Variants in OR6K3 observed in about 807,000 individuals in gnomAD.
OR6K3 encodes the protein olfactory receptor family 6 subfamily K member 3.
For missense variants in OR6K3, 396 were observed against 382.5 expected (o/e 1.04, Z -0.29); for synonymous variants, 169 against 137.7 (o/e 1.23, Z -1.59).
At chr1:158,722,688 C>T (rs1656309406), upstream of OR6K3, among the ~76,000 whole-genome samples, 2 of 152,022 alleles carry the variant, frequency 1.3e-5, no homozygotes, top group South Asian at 4.1e-4. Context: ...GTACTCATAC[C>T]TGAGGAAGTG....
At chr1:158,719,816 G>A (rs1656248989) in intron 1 of OR6K3, among the ~76,000 whole-genome samples, 1 of 151,984 alleles carries the variant, frequency 6.6e-6, no homozygotes, top group South Asian at 2.1e-4. Flanking sequence ...CAATAGAATT[G>A]TACAGTATAG....
Position 158,717,701 on chromosome 1 carries a change from G to T in OR6K3, c.415C>A (p.Arg139=), listed in dbSNP as rs550637792. The change falls in exon 2 of 2, where the codon CGG becomes AGG. Residue 139 remains arginine (R), a synonymous_variant. Transcript: ENST00000368145. ...CCTGCAGAGAGTTGAGCACAGAGCC[G>T]GGGGGTCATGATCATTTGATAGCGA... ...PLRYQMIMTP[R]LCAQLSAGSC... is the part of the protein sequence containing the mutation. 6.2e-7 allele frequency: 1 copy of T among 1,613,728 alleles called. No homozygotes were observed. Among genetic ancestry groups the T allele is most frequent in the East Asian group, 2.2e-5 (1 of 44,836 alleles).
Position 158,716,327 on chromosome 1 carries a change from G to A in OR6K3, c.*841C>T, listed in dbSNP as rs1656143246. On this transcript the variant is annotated 3_prime_UTR_variant, in exon 2 of 2. Transcript: ENST00000368145. ...TGTAGTTTTCTTTTAAACATGTGTG[G>A]CAGTACTAATAATCTAATCTTACTA... 6.6e-6 allele frequency: 1 copy of A among 151,918 alleles called. No homozygotes were observed. The highest frequency in any genetic ancestry group is 1.5e-5 in the Non-Finnish European group (1 of 67,968). 9.4% of individuals were successfully genotyped at this position (151,918 alleles called of 1,614,324 possible). A position where few individuals can be genotyped will look rare whatever the true frequency, so the allele number is the denominator to read the frequency against.
chr1:158,724,532 T>A (rs887036617), upstream of OR6K3: 14 of 258,918 alleles, frequency 5.4e-5, no homozygotes, highest in African/African-American at 3.2e-4. Flanking sequence ...TCACAGAAGA[T>A]CTGGTGGATT....
rs1171795314 is a variant in OR6K3 at position 158,716,343 on chromosome 1, A to T, written c.*825T>A. The T allele has an allele frequency of 1.3e-5, 2 of 152,104 alleles. No individual in the cohort carries two copies. Among genetic ancestry groups the T allele is most frequent in the Non-Finnish European group, 2.9e-5 (2 of 67,986 alleles). 9.4% of individuals were successfully genotyped at this position (152,104 alleles called of 1,614,324 possible). ...ACATGTGTGGCAGTACTAATAATCT[A>T]ATCTTACTAAACATGTAATTATTCT... On this transcript the variant is annotated 3_prime_UTR_variant, in exon 2 of 2. Transcript: ENST00000368145.
upstream of OR6K3, among the ~76,000 whole-genome samples, chr1:158,722,044 C>T (rs1394074876): frequency 6.6e-6 from 1 of 151,780 alleles, no homozygotes; most frequent in African/African-American, 2.4e-5. Context: ...TTTCAATTCC[C>T]TAACCTCTCT....
Position 158,717,478 on chromosome 1 carries a change from A to T in OR6K3, c.638T>A (p.Ile213Asn). 1 of 1,613,806 alleles carries T rather than the reference A, an allele frequency of 6.2e-7. No homozygotes were observed. Among genetic ancestry groups the T allele is most frequent in the Non-Finnish European group, 8.5e-7 (1 of 1,179,812 alleles). The part of the protein sequence containing the change: ...AVTIIITFLI[I>N]ALSYVRIVTV... Reference sequence around the variant, plus strand: ...GACAATTCTTACATAGGACAGGGCAATGATTAGGAAGGTAATGATGATGGT... The same window carrying T: ...GACAATTCTTACATAGGACAGGGCATTGATTAGGAAGGTAATGATGATGGT... The change falls in exon 2 of 2, where the codon ATT becomes AAT. Residue 213 changes from isoleucine to asparagine, a missense_variant. Transcript: ENST00000368145.
In OR6K3 at chr1:158,717,343, T is replaced by A. The variant is rs562743876; in HGVS notation, c.773A>T (p.Tyr258Phe). ...TGGATAAGTGTCGCTGAAACGCAAG[T>A]ACATGAGTGATACACTGCCAAAGAA... Reference protein sequence around the residue: ...PIFFGSVSLMYLRFSDTYPPV... With the variant: ...PIFFGSVSLMFLRFSDTYPPV... Residue 258 changes from tyrosine to phenylalanine, a missense_variant, in exon 2 of 2, where the codon TAC (tyrosine) becomes TTC (phenylalanine). Physicochemically the swap from Tyr to Phe is conservative, Grantham distance 22. Transcript: ENST00000368145. The A allele has an allele frequency of 1.7e-5, 28 of 1,613,710 alleles. No homozygotes were observed. In the African/African-American group the frequency reaches 3.2e-4, roughly 18 times the overall value.
upstream of OR6K3, among the ~76,000 whole-genome samples, chr1:158,722,349 T>C (rs973997131): frequency 6.6e-6 from 1 of 152,002 alleles, no homozygotes; most frequent in African/African-American, 2.4e-5. Flanking sequence ...AGTTGTGCTT[T>C]TTTGTTTTGT....
In OR6K3 at chr1:158,718,052, C is replaced by G. The variant is rs1248815386; in HGVS notation, c.64G>C (p.Asp22His). 1 of 1,613,098 alleles carries G rather than the reference C, an allele frequency of 6.2e-7. No homozygotes were observed. The highest frequency in any genetic ancestry group is 8.5e-7 in the Non-Finnish European group (1 of 1,179,520). The change falls in exon 2 of 2, where the codon GAT becomes CAT. Residue 22 changes from aspartate to histidine, a missense_variant. Transcript: ENST00000368145. ...GGAAAGAAGTACAGGAGACTACCAT[C>G]CTGAAGCTGAGGGAATCCAGTGAAG... ...FIFTGFPQLQ[D>H]GSLLYFFPLL...
Position 158,717,167 on chromosome 1 carries a change from A to G in OR6K3, c.*1T>C. On this transcript the variant is annotated 3_prime_UTR_variant, in exon 2 of 2. Coordinates refer to ENST00000368145, the MANE Select transcript of OR6K3 (RefSeq NM_001005327.3). ...AACGGAAGGGAACCTGTGGCTCTGT[A>G]TTAACCTCCAGGCTTGTTCAACACT... 6.3e-7 allele frequency: 1 copy of G among 1,597,448 alleles called. No individual in the cohort carries two copies. The highest frequency in any genetic ancestry group is 8.6e-7 in the Non-Finnish European group (1 of 1,168,736).
rs899221659 is a variant in OR6K3, at chr1:158,717,569, G to A, written c.547C>T (p.Pro183Ser). The A allele has an allele frequency of 1.2e-6, 2 of 1,613,796 alleles. No individual in the cohort carries two copies. The highest frequency in any genetic ancestry group is 2.2e-5 in the East Asian group (1 of 44,836). The change falls in exon 2 of 2, where the codon CCT becomes TCT. Residue 183 changes from proline (P) to serine (S), a missense_variant. Physicochemically the swap from Pro to Ser is moderately conservative, Grantham distance 74. Transcript: ENST00000368145. ...QIHQIFCDLV[P>S]VLSLACTDTS... Reference sequence around the variant, plus strand: ...TCTGTACAGGCCAGGCTTAGCACAGGGACCAAGTCACAGAAGATCTGATGG... The same window carrying A: ...TCTGTACAGGCCAGGCTTAGCACAGAGACCAAGTCACAGAAGATCTGATGG...
At chr1:158,719,075 CTT>C (rs1656235864) in intron 1 of OR6K3, among the ~76,000 whole-genome samples, 2 of 152,196 alleles carry the variant, frequency 1.3e-5, no homozygotes, top group East Asian at 3.9e-4. Context: ...GCACTCGACA[CTT>C]TTCATTACTC....
chr1:158,716,850 G>T lies in OR6K3; in HGVS notation c.*318C>A, dbSNP rs1201625153. ...GCAATGGAAAGGGCCAGATGCGGTG[G>T]CTCACAGCTGTAATCCCAGCATTTT... is the stretch of plus-strand genomic sequence containing the variant. On this transcript the variant is annotated 3_prime_UTR_variant, in exon 2 of 2. Coordinates refer to ENST00000368145, the MANE Select transcript of OR6K3 (RefSeq NM_001005327.3). The T allele has an allele frequency of 8.1e-6, 2 of 245,518 alleles. No homozygotes were observed. The highest frequency in any genetic ancestry group is 1.6e-5 in the Non-Finnish European group (2 of 126,390). 15.2% of individuals were successfully genotyped at this position (245,518 alleles called of 1,614,324 possible). A position where few individuals can be genotyped will look rare whatever the true frequency, so the allele number is the denominator to read the frequency against.
In OR6K3 at chr1:158,716,743, A is replaced by G. The variant is rs1170128090; in HGVS notation, c.*425T>C. 2 of 158,018 alleles carry G rather than the reference A, an allele frequency of 1.3e-5. No individual in the cohort carries two copies. The highest frequency in any genetic ancestry group is 4.8e-5 in the African/African-American group (2 of 41,474). The allele number at this position is 158,018 out of a possible 1,614,324, so 9.8% of individuals were successfully genotyped here. A position where few individuals can be genotyped will look rare whatever the true frequency, so the allele number is the denominator to read the frequency against. ...TATTTTTCTAGGTATAGGGAAAATA[A>G]TTAGGATGACAGAAATTTCAGTGTG... On this transcript the variant is annotated 3_prime_UTR_variant, in exon 2 of 2. Coordinates refer to ENST00000368145, the MANE Select transcript of OR6K3 (RefSeq NM_001005327.3).
chr1:158,722,060 T>C (rs1408947583), upstream of OR6K3, among the ~76,000 whole-genome samples: 6 of 152,088 alleles, frequency 3.9e-5, no homozygotes, highest in East Asian at 9.7e-4. Context: ...TCTCTGTCTC[T>C]CTCAGTCTCT....
chr1:158,717,418 C>A lies in OR6K3; in HGVS notation c.698G>T (p.Arg233Met), dbSNP rs780201035. 6 of 1,613,720 alleles carry A rather than the reference C, an allele frequency of 3.7e-6. No individual in the cohort carries two copies. The highest frequency in any genetic ancestry group is 2.2e-5 in the East Asian group (1 of 44,836). Residue 233 changes from arginine (R) to methionine (M), a missense_variant, in exon 2 of 2, where the codon AGG becomes ATG. Arg to Met is a moderately conservative substitution (Grantham distance 91). Transcript: ENST00000368145. ...VILRIPSSEG[R>M]QKAFSTCAGH... ...TGCACAGGTAGAAAAAGCCTTTTGC[C>A]TCCCTTCAGAAGAGGGAATCCTCAA...
intron 1 of OR6K3, among the ~76,000 whole-genome samples, chr1:158,719,552 C>G (rs1009154156): frequency 1.3e-5 from 2 of 152,002 alleles, no homozygotes; most frequent in African/African-American, 4.8e-5. Flanking sequence ...GCTACTTCCT[C>G]TGACTTTAAA....
In OR6K3 at chr1:158,717,469, GA is replaced by G; in HGVS notation, c.646del (p.Ser216ProfsTer3). ...TATCACAGTGACAATTCTTACATAG[GA>G]CAGGGCAATGATTAGGAAGGTAATG... ...IIITFLIIAL[S>X]YVRIVTVILR... On this transcript the variant is annotated frameshift_variant, in exon 2 of 2. Transcript: ENST00000368145. LOFTEE classifies it low-confidence loss of function (END_TRUNC). The G allele has an allele frequency of 1.9e-6, 3 of 1,613,652 alleles. No individual in the cohort carries two copies. Among genetic ancestry groups the G allele is most frequent in the Non-Finnish European group, 2.5e-6 (3 of 1,179,740 alleles).
Sources: gnomAD v4.1 joint callset for allele counts (sites outside exome capture counted in the v4.1 genomes callset) on GRCh38, gnomAD v4.1.1 for gene constraint, MANE v1.5 for transcripts, NCBI Gene and HGNC (gene_info 2026-07-23, HGNC 2026-07-21) for gene names.